Variants in TEAD1 observed in about 807,000 individuals in gnomAD.
TEAD1 encodes TEA domain transcription factor 1.
In TEAD1, 9 loss-of-function variants were observed where a neutral mutation model predicts 54.9. That is an observed-to-expected ratio of 0.16 (90% CI 0.10 to 0.29). TEAD1 has a LOEUF of 0.29. TEAD1 is among the 10% of genes least tolerant of loss of function. The probability of loss-of-function intolerance (pLI) is 1.00; values close to 1 mark genes in which losing one functional copy is unlikely to be tolerated. For synonymous variants in TEAD1, 200 were observed against 187.8 expected (o/e 1.07, Z -0.53); for missense variants, 387 against 535.9 (o/e 0.72, Z 2.74).
At chr11:12,756,691 T>C (rs1944989182) in intron 2 of TEAD1, among the ~76,000 whole-genome samples, 1 of 152,196 alleles carries the variant, frequency 6.6e-6, no homozygotes, top group African/African-American at 2.4e-5. Flanking sequence ...GTATAGTGTA[T>C]TTGATATTCC....
At chr11:12,781,175 T>A (rs1328821302) in intron 3 of TEAD1, among the ~76,000 whole-genome samples, 2 of 152,224 alleles carry the variant, frequency 1.3e-5, no homozygotes, top group Non-Finnish European at 2.9e-5. Context: ...ATATCATATA[T>A]CATAATTAAC....
At chr11:12,713,570 C>A (rs1943988202) in intron 2 of TEAD1, among the ~76,000 whole-genome samples, 1 of 152,174 alleles carries the variant, frequency 6.6e-6, no homozygotes, top group South Asian at 2.1e-4. Context: ...GGTTCCCAAA[C>A]TTGAAAAAGT....
intron 10 of TEAD1, among the ~76,000 whole-genome samples, chr11:12,920,314 T>A (rs1482217155): frequency 6.6e-6 from 1 of 152,250 alleles, no homozygotes. Context: ...TCATGATGAA[T>A]AATACCATTC....
chr11:12,761,336 T>C (rs1443820130), intron 2 of TEAD1, among the ~76,000 whole-genome samples: 2 of 152,188 alleles, frequency 1.3e-5, no homozygotes, highest in African/African-American at 4.8e-5. Flanking sequence ...TCTTTGGAAC[T>C]TCCCAAAGTG....
chr11:12,817,095 G>A (rs951120114), intron 3 of TEAD1, among the ~76,000 whole-genome samples: 3 of 152,224 alleles, frequency 2.0e-5, no homozygotes, highest in Admixed American at 6.5e-5. Flanking sequence ...TTGGGCTCAC[G>A]CTAGCTACTT....
At chr11:12,792,585 G>A (rs144046212) in intron 3 of TEAD1, among the ~76,000 whole-genome samples, 1 of 152,280 alleles carries the variant, frequency 6.6e-6, no homozygotes, top group East Asian at 1.9e-4. Flanking sequence ...TAGAACATAA[G>A]GTCTGGATAT....
At chr11:12,833,682 A>G (rs547924352) in intron 3 of TEAD1, among the ~76,000 whole-genome samples, 8 of 152,204 alleles carry the variant, frequency 5.3e-5, no homozygotes, top group Admixed American at 2.0e-4. Context: ...ATATATAACA[A>G]TTTTCACAAA....
chr11:12,889,207 C>A (rs1385388556), intron 9 of TEAD1, among the ~76,000 whole-genome samples: 1 of 152,226 alleles, frequency 6.6e-6, no homozygotes, highest in Non-Finnish European at 1.5e-5. Flanking sequence ...ATATCCTCCA[C>A]CCAGGGTGGG....
intron 3 of TEAD1, among the ~76,000 whole-genome samples, chr11:12,824,599 G>T (rs1050628486): frequency 2.0e-5 from 3 of 152,246 alleles, no homozygotes; most frequent in African/African-American, 4.8e-5. Context: ...AGAGACTGTT[G>T]TGTGAAAATT....
chr11:12,764,443 C>T lies in TEAD1; in HGVS notation c.202+9C>T, dbSNP rs755940503. ...CGAAGGCAAAATGTATGGTAAGTGG[C>T]CTGGAACACTCCTTTGAAATACTAC... is the stretch of plus-strand genomic sequence containing the variant. On this transcript the variant is annotated intron_variant, in intron 3 of 12. Transcript: ENST00000527636. The T allele has an allele frequency of 3.1e-6, 5 of 1,613,942 alleles. No homozygotes were observed. In the Admixed American group the frequency reaches 8.3e-5, roughly 27 times the overall value.
intron 3 of TEAD1, among the ~76,000 whole-genome samples, chr11:12,801,816 A>C (rs1946065387): frequency 6.6e-6 from 1 of 152,246 alleles, no homozygotes; most frequent in Non-Finnish European, 1.5e-5. Flanking sequence ...CAGATGATGA[A>C]GGTGGGTTGC....
At chr11:12,722,721 C>A (rs1249276486) in intron 2 of TEAD1, among the ~76,000 whole-genome samples, 1 of 150,640 alleles carries the variant, frequency 6.6e-6, no homozygotes, top group African/African-American at 2.4e-5. Context: ...GGAAAAAATT[C>A]ATCCAGAACT....
intron 3 of TEAD1, among the ~76,000 whole-genome samples, chr11:12,777,444 T>C (rs1945451728): frequency 6.6e-6 from 1 of 152,214 alleles, no homozygotes; most frequent in East Asian, 1.9e-4. Context: ...GGCAACTGTC[T>C]CTTAGATGAA....
At chr11:12,684,608 G>C (rs1943295402) in intron 2 of TEAD1, among the ~76,000 whole-genome samples, 1 of 152,180 alleles carries the variant, frequency 6.6e-6, no homozygotes. Flanking sequence ...TAGCTTCTCT[G>C]TGCCCGCAGT....
chr11:12,842,691 G>A (rs1168592853), intron 3 of TEAD1, among the ~76,000 whole-genome samples: 1 of 151,944 alleles, frequency 6.6e-6, no homozygotes, highest in East Asian at 1.9e-4. Flanking sequence ...TGCTTAAATC[G>A]TGTTTATGCC....
intron 2 of TEAD1, among the ~76,000 whole-genome samples, chr11:12,685,196 CAT>C (rs1291254679): frequency 2.0e-4 from 31 of 152,274 alleles, no homozygotes; most frequent in Admixed American, 5.9e-4. Flanking sequence ...AGTGTATAGA[CAT>C]GTGTGCTAAT....
chr11:12,724,162 C>A (rs532192424), intron 2 of TEAD1, among the ~76,000 whole-genome samples: 2 of 152,166 alleles, frequency 1.3e-5, no homozygotes, highest in Non-Finnish European at 2.9e-5. Flanking sequence ...ACACTGTCCC[C>A]TCCGCAACAA....
intron 3 of TEAD1, among the ~76,000 whole-genome samples, chr11:12,820,132 A>G (rs993610108): frequency 5.3e-5 from 8 of 152,204 alleles, no homozygotes; most frequent in Non-Finnish European, 8.8e-5. Flanking sequence ...CCATCAGTGC[A>G]GAGCCACACA....
intron 5 of TEAD1, chr11:12,865,123 G>C (rs1174713599): frequency 1.7e-6 from 1 of 602,262 alleles, no homozygotes; most frequent in Non-Finnish European, 3.0e-6. Flanking sequence ...GTGTGTGCGT[G>C]TGTATGTGTG....
Sources: gnomAD v4.1 joint callset for allele counts (sites outside exome capture counted in the v4.1 genomes callset) on GRCh38, gnomAD v4.1.1 for gene constraint, MANE v1.5 for transcripts, NCBI Gene and HGNC (gene_info 2026-07-23, HGNC 2026-07-21) for gene names.